Variants in TPST1 observed in about 807,000 individuals in gnomAD.
TPST1 encodes the protein tyrosylprotein sulfotransferase 1, also known as protein-tyrosine sulfotransferase 1.
Under a neutral mutation model 34.8 loss-of-function variants are expected in TPST1, and 20 were observed. The observed-to-expected ratio is 0.57, with a 90% confidence interval of 0.40 to 0.84. TPST1 has a LOEUF of 0.84. Among genes scored for constraint, TPST1 ranks in the 40% least tolerant of loss-of-function variants. TPST1 has a pLI of 0.00. For missense variants in TPST1, 353 were observed against 455.5 expected (o/e 0.78, Z 2.05); for synonymous variants, 152 against 159.4 (o/e 0.95, Z 0.35).
intron 1 of TPST1, among the ~76,000 whole-genome samples, chr7:66,231,173 G>A (rs1233350512): frequency 6.6e-6 from 1 of 152,182 alleles, no homozygotes; most frequent in Non-Finnish European, 1.5e-5. Context: ...ACCACAGGGT[G>A]CTGATTGGTG....
chr7:66,356,359 C>T (rs573720991), intron 4 of TPST1, among the ~76,000 whole-genome samples: 6 of 152,260 alleles, frequency 3.9e-5, no homozygotes, highest in South Asian at 2.1e-4. Flanking sequence ...GTTCACCAAC[C>T]GGGAAGTGCC....
chr7:66,275,973 GT>G (rs1790801558), intron 2 of TPST1, among the ~76,000 whole-genome samples: 1 of 151,164 alleles, frequency 6.6e-6, no homozygotes, highest in African/African-American at 2.4e-5. Flanking sequence ...TATATATTCA[GT>G]TTTCATCAGT....
chr7:66,258,519 T>G (rs902394177), intron 2 of TPST1, among the ~76,000 whole-genome samples: 1 of 152,216 alleles, frequency 6.6e-6, no homozygotes, highest in African/African-American at 2.4e-5. Context: ...CTCTTATGTG[T>G]GAGCTAGAAG....
chr7:66,248,197 T>C (rs1462760728), intron 2 of TPST1, among the ~76,000 whole-genome samples: 1 of 152,154 alleles, frequency 6.6e-6, no homozygotes, highest in Non-Finnish European at 1.5e-5. Context: ...GGGCCTTATA[T>C]TTTAAGCTAA....
intron 1 of TPST1, among the ~76,000 whole-genome samples, chr7:66,227,548 CA>C (rs1789685397): frequency 6.6e-6 from 1 of 152,046 alleles, no homozygotes; most frequent in Non-Finnish European, 1.5e-5. Context: ...TCAGCTTCCC[CA>C]GTCCTTTTGT....
intron 3 of TPST1, among the ~76,000 whole-genome samples, chr7:66,316,415 G>A (rs1791634639): frequency 6.6e-6 from 1 of 152,134 alleles, no homozygotes; most frequent in Non-Finnish European, 1.5e-5. Context: ...TAATTAATGG[G>A]TGCTGGGTTT....
chr7:66,209,280 T>C (rs1789196634), intron 1 of TPST1, among the ~76,000 whole-genome samples: 1 of 151,662 alleles, frequency 6.6e-6, no homozygotes, highest in South Asian at 2.1e-4. Context: ...AAAAGAAAAA[T>C]GTGTGATAAC....
At chr7:66,210,107 G>A (rs1227407284) in intron 1 of TPST1, among the ~76,000 whole-genome samples, 1 of 152,308 alleles carries the variant, frequency 6.6e-6, no homozygotes, top group East Asian at 1.9e-4. Context: ...GGCCAGTGAG[G>A]CTAAGGGGTT....
At chr7:66,226,822 G>T (rs555126872) in intron 1 of TPST1, among the ~76,000 whole-genome samples, 1 of 152,030 alleles carries the variant, frequency 6.6e-6, no homozygotes, top group Non-Finnish European at 1.5e-5. Context: ...AGAGGGAGTT[G>T]CCTTCATTTG....
At chr7:66,255,941 G>C (rs896826044) in intron 2 of TPST1, among the ~76,000 whole-genome samples, 7 of 151,858 alleles carry the variant, frequency 4.6e-5, no homozygotes, top group Non-Finnish European at 7.4e-5. Context: ...GATCATTGAT[G>C]AATCATTGCC....
chr7:66,341,121 A>G (rs146565855), intron 3 of TPST1, among the ~76,000 whole-genome samples: 141 of 152,350 alleles, frequency 9.3e-4, no homozygotes, highest in Non-Finnish European at 1.8e-3. Context: ...TGGAATGACA[A>G]AAGACCTTGA....
At chr7:66,234,950 G>A (rs1789881124) in intron 1 of TPST1, among the ~76,000 whole-genome samples, 1 of 152,126 alleles carries the variant, frequency 6.6e-6, no homozygotes, top group Non-Finnish European at 1.5e-5. Context: ...TAGGATTACA[G>A]GTGTGAGCCT....
chr7:66,255,450 G>A (rs183711614), intron 2 of TPST1, among the ~76,000 whole-genome samples: 4 of 152,218 alleles, frequency 2.6e-5, no homozygotes, highest in Admixed American at 1.3e-4. Context: ...AAATAAATTG[G>A]TAAACAGAAT....
At chr7:66,299,143 C>T (rs1791260729) in intron 3 of TPST1, among the ~76,000 whole-genome samples, 1 of 150,488 alleles carries the variant, frequency 6.6e-6, no homozygotes. Context: ...AAAAAAAATC[C>T]AGATAGTAAA....
At chr7:66,271,792 C>T (rs1790709862) in intron 2 of TPST1, among the ~76,000 whole-genome samples, 1 of 151,578 alleles carries the variant, frequency 6.6e-6, no homozygotes, top group African/African-American at 2.4e-5. Flanking sequence ...TATGTATCAC[C>T]ATTTCTTTAG....
In TPST1 at chr7:66,285,298, T is replaced by A. The variant is rs190476961; in HGVS notation, c.846-1213T>A. 2.4e-3 allele frequency among the ~76,000 whole-genome samples: 365 copies of A among 152,312 alleles called. 1 individual carries two copies. Among genetic ancestry groups the A allele is most frequent in the African/African-American group, 8.1e-3 (338 of 41,576 alleles). ...TGCTAGGTGTAAACTGGACCTGTCC[T>A]GGGCAAACGAGGATGTTCTTTACAC... On this transcript the variant is annotated intron_variant, in intron 2 of 5. Transcript: ENST00000304842.
intron 3 of TPST1, among the ~76,000 whole-genome samples, chr7:66,347,919 C>T (rs768844308): frequency 2.0e-5 from 3 of 152,050 alleles, no homozygotes; most frequent in Non-Finnish European, 4.4e-5. Context: ...TATCTATAAA[C>T]AAGGATAATT....
rs540298750 is a variant in TPST1 at position 66,325,904 on chromosome 7, G to C, written c.1045-26601G>C. Among the ~76,000 whole-genome samples the C allele has an allele frequency of 2.0e-5, 3 of 152,262 alleles. No individual in the cohort carries two copies. The South Asian group carries it at 6.2e-4, about 32-fold the overall frequency. ...CCGCCTTGGCCTCCCAAATTGCTGGGGTTACAGGCGTGAGCCACCATGCCT... is the reference window on the plus strand; with the variant it reads ...CCGCCTTGGCCTCCCAAATTGCTGGCGTTACAGGCGTGAGCCACCATGCCT... On this transcript the variant is annotated intron_variant, in intron 3 of 5. Coordinates refer to ENST00000304842, the MANE Select transcript of TPST1 (RefSeq NM_003596.4).
At chr7:66,294,099 T>G (rs1562831712) in intron 3 of TPST1, among the ~76,000 whole-genome samples, 1 of 152,198 alleles carries the variant, frequency 6.6e-6, no homozygotes, top group African/African-American at 2.4e-5. Flanking sequence ...ACATTCACAT[T>G]GTTGTGCAAC....
Sources: allele counts gnomAD v4.1 joint callset (sites outside exome capture counted in the v4.1 genomes callset), GRCh38; gene constraint gnomAD v4.1.1; transcripts MANE v1.5; gene names NCBI Gene and HGNC (gene_info 2026-07-23, HGNC 2026-07-21).